GALNT11: variants seen among roughly 807,000 people sequenced by gnomAD.
GALNT11 encodes the protein UDP-GalNAc:polypeptide N-acetylgalactosaminyltransferase 11.
A neutral mutation model predicts 72.7 loss-of-function variants in GALNT11; 47 were observed. The observed-to-expected ratio is 0.65, with a 90% CI of 0.51 to 0.82. The LOEUF is 0.82. Ranked by LOEUF, GALNT11 falls within the 40% of genes least tolerant of loss-of-function variation. GALNT11 has a pLI of 0.00. For missense variants in GALNT11, 677 were observed against 778.4 expected (o/e 0.87, Z 1.55); for synonymous variants, 270 against 286.6 (o/e 0.94, Z 0.58).
intron 1 of GALNT11, among the ~76,000 whole-genome samples, chr7:152,067,644 A>G (rs1314412548): frequency 2.6e-5 from 4 of 152,192 alleles, no homozygotes; most frequent in South Asian, 2.1e-4. Context: ...GCCATCTTGC[A>G]CATTTCCTGT....
At chr7:152,065,040 C>A (rs1011238146) in intron 1 of GALNT11, among the ~76,000 whole-genome samples, 14 of 152,186 alleles carry the variant, frequency 9.2e-5, no homozygotes, top group African/African-American at 3.4e-4. Flanking sequence ...TAATATCCTG[C>A]AGAGTGTTTT....
At chr7:152,080,949 G>T (rs531124202) in intron 1 of GALNT11, among the ~76,000 whole-genome samples, 1 of 152,030 alleles carries the variant, frequency 6.6e-6, no homozygotes, top group Non-Finnish European at 1.5e-5. Context: ...CAGCCTGGGC[G>T]ACAAGAGCGA....
chr7:152,052,612 A>C (rs936187241), intron 1 of GALNT11, among the ~76,000 whole-genome samples: 4 of 151,976 alleles, frequency 2.6e-5, no homozygotes, highest in African/African-American at 9.7e-5. Flanking sequence ...TCTTTGTGGC[A>C]CCTCACATTG....
Position 152,072,590 on chromosome 7 carries a change from A to C in GALNT11, c.-38-21600A>C, listed in dbSNP as rs146483973. Among the ~76,000 whole-genome samples the C allele has an allele frequency of 1.7e-3, 255 of 152,366 alleles. 1 individual carries two copies. Among genetic ancestry groups the C allele is most frequent in the African/African-American group, 5.8e-3 (243 of 41,590 alleles). The stretch of plus-strand genomic sequence containing the variant: ...TTCCTTAGTCAAATTATTCGTGCTG[A>C]ATGTGCCCAGGCATGTCCCAGCTTG... On this transcript the variant is annotated intron_variant, in intron 1 of 11. Transcript: ENST00000430044.
chr7:152,052,520 T>G (rs1439156196), intron 1 of GALNT11, among the ~76,000 whole-genome samples: 1 of 152,216 alleles, frequency 6.6e-6, no homozygotes, highest in Non-Finnish European at 1.5e-5. Flanking sequence ...AAAAACTGCT[T>G]TCTTAAAGAT....
chr7:152,120,756 A>T, intron 10 of GALNT11, 75 bp from the exon 11 acceptor site: 1 of 1,265,966 alleles, frequency 7.9e-7, no homozygotes. Context: ...CAGAATCAAT[A>T]TGTGGAAGAA....
rs185278472 is a variant in GALNT11, at chr7:152,070,319, T to C, written c.-38-23871T>C. On this transcript the variant is annotated intron_variant, in intron 1 of 11. Transcript: ENST00000430044. ...CCTTTTATTTCTTTTTAATTGGACA[T>C]TTTATGTGATTCAACTTTATCTCCT... Among the ~76,000 whole-genome samples, 122 of 152,196 alleles carry C rather than the reference T, an allele frequency of 8.0e-4. 1 individual carries two copies. Among genetic ancestry groups the C allele is most frequent in the African/African-American group, 2.8e-3 (116 of 41,534 alleles).
chr7:152,107,759 G>A, intron 5 of GALNT11: 1 of 290,690 alleles, frequency 3.4e-6, no homozygotes, highest in Non-Finnish European at 6.6e-6. Context: ...TCTGTTTACT[G>A]AAGAGATTCT....
At chr7:152,099,546 T>G (rs1193610099) in intron 2 of GALNT11, among the ~76,000 whole-genome samples, 39 of 135,488 alleles carry the variant, frequency 2.9e-4, no homozygotes, top group African/African-American at 8.5e-4. Flanking sequence ...TTTTTTTTTT[T>G]TTTTTTTTTT....
chr7:152,109,850 C>T (rs752854587), intron 6 of GALNT11, among the ~76,000 whole-genome samples: 4 of 152,148 alleles, frequency 2.6e-5, no homozygotes, highest in Non-Finnish European at 5.9e-5. Context: ...AGGAAGTGAG[C>T]GGACTGGAAG....
chr7:152,068,137 C>T (rs972129776), intron 1 of GALNT11, among the ~76,000 whole-genome samples: 3 of 152,094 alleles, frequency 2.0e-5, no homozygotes, highest in Non-Finnish European at 4.4e-5. Context: ...CAGAAGTTGC[C>T]CTGCCCTAAA....
chr7:152,103,129 A>G lies in GALNT11; in HGVS notation c.437A>G (p.Tyr146Cys). 1.9e-6 allele frequency: 3 copies of G among 1,608,272 alleles called. No homozygotes were observed. Among genetic ancestry groups the G allele is most frequent in the Non-Finnish European group, 1.7e-6 (2 of 1,176,312 alleles). Residue 146 changes from tyrosine to cysteine, a missense_variant, in exon 4 of 12, where the codon TAC (tyrosine) becomes TGC (cysteine). Tyr to Cys is a radical substitution (Grantham distance 194). Coordinates refer to ENST00000430044, the MANE Select transcript of GALNT11 (RefSeq NM_022087.4). ...CTTTACAGATGTAAAGAAAAGTTCT[A>G]CCCACCTGACCTGCCAGCTGCTAGT... ...TRNAACKEKF[Y>C]PPDLPAASVV...
intron 1 of GALNT11, among the ~76,000 whole-genome samples, chr7:152,044,858 A>G (rs1419302633): frequency 1.3e-5 from 2 of 151,700 alleles, no homozygotes; most frequent in Non-Finnish European, 2.9e-5. Context: ...GCATCCTTGC[A>G]TTCTAGATCT....
At chr7:152,092,228 T>A (rs938195405) in intron 1 of GALNT11, among the ~76,000 whole-genome samples, 5 of 152,208 alleles carry the variant, frequency 3.3e-5, no homozygotes, top group Non-Finnish European at 7.4e-5. Context: ...AATGTCTGTT[T>A]CCCCTAAATG....
intron 1 of GALNT11, among the ~76,000 whole-genome samples, chr7:152,058,685 C>G (rs984496458): frequency 6.6e-6 from 1 of 152,162 alleles, no homozygotes; most frequent in Admixed American, 6.6e-5. Flanking sequence ...GATTGACTTT[C>G]CATTCATGAA....
chr7:152,051,358 A>T (rs1346829881), intron 1 of GALNT11, among the ~76,000 whole-genome samples: 1 of 151,646 alleles, frequency 6.6e-6, no homozygotes, highest in Non-Finnish European at 1.5e-5. Flanking sequence ...ACAACTTCAT[A>T]TATTTTTAAA....
chr7:152,113,712 CTTTTTTTTTT>C (rs6150397), intron 8 of GALNT11, among the ~76,000 whole-genome samples: 252 of 96,746 alleles, frequency 2.6e-3, no homozygotes, highest in Non-Finnish European at 4.4e-3. Context: ...AGTTGGCTTT[CTTTTTTTTTT>C]TTTTTTTTTT....
At chr7:152,097,547 A>C (rs954416768) in intron 2 of GALNT11, among the ~76,000 whole-genome samples, 1 of 152,240 alleles carries the variant, frequency 6.6e-6, no homozygotes, top group Non-Finnish European at 1.5e-5. Flanking sequence ...CTTGTACTCA[A>C]TGTTCATTAG....
At chr7:152,091,618 T>G (rs1587293516) in intron 1 of GALNT11, among the ~76,000 whole-genome samples, 1 of 152,276 alleles carries the variant, frequency 6.6e-6, no homozygotes, top group East Asian at 1.9e-4. Context: ...CCTCAGGTGA[T>G]CTGCCCACTT....
Sources: allele counts gnomAD v4.1 joint callset (sites outside exome capture counted in the v4.1 genomes callset), GRCh38; gene constraint gnomAD v4.1.1; transcripts MANE v1.5; gene names NCBI Gene and HGNC (gene_info 2026-07-23, HGNC 2026-07-21).